The following STX6 variants were observed in gnomAD, a reference collection of about 807,000 sequenced individuals.
The protein encoded by STX6 is syntaxin-6.
STX6 carries 23 observed loss-of-function variants against 38.0 expected under a neutral mutation model. The ratio of observed to expected loss-of-function variants is 0.60; its 90% CI spans 0.43 to 0.86. The LOEUF (loss-of-function observed/expected upper bound fraction) is 0.86. Among genes scored for constraint, STX6 ranks in the 40% least tolerant of loss-of-function variants. STX6 has a pLI of 0.00. For missense variants in STX6, 274 were observed against 312.9 expected, an observed-to-expected ratio of 0.88 and a Z score of 0.94; for synonymous variants, 123 against 107.5, an observed-to-expected ratio of 1.14 and a Z score of -0.89.
intron 3 of STX6, among the ~76,000 whole-genome samples, chr1:180,995,594 G>A (rs898205581): frequency 2.6e-5 from 4 of 152,200 alleles, no homozygotes; most frequent in Non-Finnish European, 4.4e-5. Flanking sequence ...TATGGCTTGC[G>A]CCTATAGTCC....
intron 1 of STX6, among the ~76,000 whole-genome samples, chr1:181,008,420 C>T (rs542879236): frequency 2.0e-5 from 3 of 152,124 alleles, no homozygotes; most frequent in Non-Finnish European, 4.4e-5. Context: ...ATCCAAAATG[C>T]CCCCAGTGAG....
intron 7 of STX6, 65 bp downstream of exon 7, chr1:180,984,612 C>T: frequency 1.5e-6 from 1 of 663,586 alleles, no homozygotes; most frequent in South Asian, 2.0e-5. Context: ...AACTATGAGA[C>T]AACACCCCCA....
intron 3 of STX6, among the ~76,000 whole-genome samples, chr1:180,997,173 G>A (rs1474335233): frequency 1.3e-5 from 2 of 152,008 alleles, no homozygotes; most frequent in African/African-American, 2.4e-5. Flanking sequence ...ATCATTGTAG[G>A]GATTAATAGA....
chr1:180,995,447 A>G (rs1281384403), intron 3 of STX6, among the ~76,000 whole-genome samples: 1 of 152,164 alleles, frequency 6.6e-6, no homozygotes, highest in Non-Finnish European at 1.5e-5. Flanking sequence ...TCGTTTTCTG[A>G]TTATCAATCA....
chr1:181,006,956 G>A (rs1426423651), intron 1 of STX6, among the ~76,000 whole-genome samples: 2 of 152,160 alleles, frequency 1.3e-5, no homozygotes, highest in East Asian at 1.9e-4. Flanking sequence ...TTCCTTTCAT[G>A]TCAGCCTTTA....
At chr1:181,015,774 C>T (rs564905219) in intron 1 of STX6, among the ~76,000 whole-genome samples, 4 of 152,128 alleles carry the variant, frequency 2.6e-5, no homozygotes, top group Non-Finnish European at 4.4e-5. Flanking sequence ...ATTCTCCTGC[C>T]TCAGCCTCCC....
intron 6 of STX6, among the ~76,000 whole-genome samples, chr1:180,987,436 T>G (rs993722565): frequency 1.3e-5 from 2 of 152,220 alleles, no homozygotes; most frequent in African/African-American, 4.8e-5. Context: ...AGCGGCAAAC[T>G]CTTTGGCAGA....
chr1:181,000,221 A>G (rs1005749277), intron 3 of STX6, among the ~76,000 whole-genome samples: 6 of 152,234 alleles, frequency 3.9e-5, no homozygotes, highest in African/African-American at 1.4e-4. Flanking sequence ...CTAAAAGGAC[A>G]GTAAGATTTT....
chr1:181,009,921 A>T (rs1213507109), intron 1 of STX6, among the ~76,000 whole-genome samples: 1 of 149,194 alleles, frequency 6.7e-6, no homozygotes, highest in Non-Finnish European at 1.5e-5. Flanking sequence ...AGCTACATAC[A>T]ACAACATAGA....
intron 1 of STX6, 86 bp from the exon 2 acceptor site, chr1:181,005,549 T>A: frequency 7.6e-7 from 1 of 1,307,790 alleles, no homozygotes; most frequent in Non-Finnish European, 1.0e-6. Context: ...ACATTTATGA[T>A]CATACACCAT....
At chr1:180,980,156 G>A (rs1655361749) in intron 7 of STX6, among the ~76,000 whole-genome samples, 1 of 139,682 alleles carries the variant, frequency 7.2e-6, no homozygotes, top group Admixed American at 8.0e-5. Context: ...GCAGTGAGCT[G>A]AGATCGCACC....
chr1:181,020,254 C>CAG (rs1422590782), intron 1 of STX6, among the ~76,000 whole-genome samples: 1 of 151,898 alleles, frequency 6.6e-6, no homozygotes, highest in African/African-American at 2.4e-5. Flanking sequence ...AAATACAGAT[C>CAG]AATTATTTCT....
chr1:181,008,076 A>G (rs190210290), intron 1 of STX6, among the ~76,000 whole-genome samples: 7 of 152,306 alleles, frequency 4.6e-5, no homozygotes, highest in Admixed American at 4.6e-4. Flanking sequence ...ACAATTGTGG[A>G]TGTACTTTTT....
intron 3 of STX6, among the ~76,000 whole-genome samples, chr1:180,994,959 T>A (rs1266601606): frequency 4.3e-5 from 6 of 138,472 alleles, no homozygotes; most frequent in South Asian, 2.2e-4. Context: ...TCAAGAAATT[T>A]AAAAAAAAAT....
intron 3 of STX6, among the ~76,000 whole-genome samples, chr1:180,993,783 A>C (rs536440034): frequency 2.6e-5 from 4 of 152,222 alleles, no homozygotes; most frequent in African/African-American, 4.8e-5. Context: ...GAGGAGACCT[A>C]GGTCCAAAAA....
At chr1:181,016,745 C>T (rs879495088) in intron 1 of STX6, among the ~76,000 whole-genome samples, 2 of 152,172 alleles carry the variant, frequency 1.3e-5, no homozygotes, top group Non-Finnish European at 2.9e-5. Flanking sequence ...CATCAGCTTA[C>T]TTATGTCATT....
rs1270737536 is a variant in STX6, at chr1:181,005,278, C to G, written c.205+16G>C. 6.2e-7 allele frequency: 1 copy of G among 1,609,358 alleles called. No homozygotes were observed. Among genetic ancestry groups the G allele is most frequent in the Non-Finnish European group, 8.5e-7 (1 of 1,176,848 alleles). On this transcript the variant is annotated intron_variant, in intron 2 of 7. Transcript: ENST00000258301. ...CTATTTATCCCGAATGGCACAGACACCACAGAAAAGGATATTGATGGTTTC... is the reference window on the plus strand; with the variant it reads ...CTATTTATCCCGAATGGCACAGACAGCACAGAAAAGGATATTGATGGTTTC...
At chr1:181,022,143 C>A (rs1297744261) in intron 1 of STX6, among the ~76,000 whole-genome samples, 3 of 151,008 alleles carry the variant, frequency 2.0e-5, no homozygotes, top group African/African-American at 7.3e-5. Context: ...CGCCTCTGGG[C>A]TTGTTGTGGT....
At chr1:181,014,717 G>A (rs1162451634) in intron 1 of STX6, among the ~76,000 whole-genome samples, 1 of 152,164 alleles carries the variant, frequency 6.6e-6, no homozygotes, top group Non-Finnish European at 1.5e-5. Flanking sequence ...CATCTCTCCA[G>A]AAAGAGAGGA....
Sources: gnomAD v4.1 joint callset for allele counts (sites outside exome capture counted in the v4.1 genomes callset) on GRCh38, gnomAD v4.1.1 for gene constraint, MANE v1.5 for transcripts, NCBI Gene and HGNC (gene_info 2026-07-23, HGNC 2026-07-21) for gene names.